Variants in PAFAH1B2 observed in about 807,000 individuals in gnomAD.
The protein encoded by PAFAH1B2 is platelet activating factor acetylhydrolase 1b catalytic subunit 2, also known as platelet-activating factor acetylhydrolase IB subunit alpha2.
In PAFAH1B2, 8 loss-of-function variants were observed where a neutral mutation model predicts 28.0. That is an observed-to-expected ratio of 0.29 (90% CI 0.17 to 0.52). PAFAH1B2 has a LOEUF of 0.52. Among genes scored for constraint, PAFAH1B2 ranks in the 20% least tolerant of loss-of-function variants. The probability of loss-of-function intolerance (pLI) is 0.97; values close to 1 mark genes in which losing one functional copy is unlikely to be tolerated. For synonymous variants in PAFAH1B2, 104 were observed against 103.2 expected (o/e 1.01, Z -0.05); for missense variants, 190 against 282.6 (o/e 0.67, Z 2.35).
downstream of PAFAH1B2, among the ~76,000 whole-genome samples, chr11:117,172,860 C>T (rs779129170): frequency 5.3e-5 from 8 of 152,188 alleles, no homozygotes; most frequent in Admixed American, 1.3e-4. Flanking sequence ...TGTACCACCA[C>T]GCCTGGCTAG....
At chr11:117,162,262 T>C (rs1446011835) in intron 4 of PAFAH1B2, among the ~76,000 whole-genome samples, 2 of 152,178 alleles carry the variant, frequency 1.3e-5, no homozygotes, top group Non-Finnish European at 2.9e-5. Flanking sequence ...GCCTCCCAAA[T>C]AGCTAGGACT....
rs557438931 is a variant in PAFAH1B2 at position 117,144,326 on chromosome 11, C to G, written c.-100C>G. ...TGGTGCTGGGGCCGGAGGAGGGACGCGCCGGAGCGGGACCGACGGGACCGA... is the reference window on the plus strand; with the variant it reads ...TGGTGCTGGGGCCGGAGGAGGGACGGGCCGGAGCGGGACCGACGGGACCGA... On this transcript the variant is annotated 5_prime_UTR_variant, in exon 1 of 6. Coordinates refer to ENST00000527958, the MANE Select transcript of PAFAH1B2 (RefSeq NM_002572.4). 38 of 403,570 alleles carry G rather than the reference C, an allele frequency of 9.4e-5. No homozygotes were observed. Among genetic ancestry groups the G allele is most frequent in the South Asian group, 5.7e-4 (34 of 60,128 alleles). The allele number at this position is 403,570 out of a possible 1,614,324, so 25.0% of individuals were successfully genotyped here. A position where few individuals can be genotyped will look rare whatever the true frequency, so the allele number is the denominator to read the frequency against.
At chr11:117,173,727 G>C (rs553756596), downstream of PAFAH1B2, among the ~76,000 whole-genome samples, 1 of 152,180 alleles carries the variant, frequency 6.6e-6, no homozygotes, top group African/African-American at 2.4e-5. Context: ...ATTAAATCCT[G>C]TGTCTTTAAC....
chr11:117,154,471 G>A (rs1956219690), intron 2 of PAFAH1B2, among the ~76,000 whole-genome samples: 1 of 147,116 alleles, frequency 6.8e-6, no homozygotes, highest in South Asian at 2.1e-4. Context: ...ATGCTGGAGT[G>A]CAGTGGCACC....
Position 117,170,912 on chromosome 11 carries a change from G to A in PAFAH1B2, c.*3213G>A. 1 of 1,059,578 alleles carries A rather than the reference G, an allele frequency of 9.4e-7. No homozygotes were observed. Among genetic ancestry groups the A allele is most frequent in the Non-Finnish European group, 1.1e-6 (1 of 875,676 alleles). 65.6% of individuals were successfully genotyped at this position (1,059,578 alleles called of 1,614,324 possible). ...CCCAGGTTTCTTGGTGTTCCTGCTT[G>A]GGGATCACTGCTGCTAGCTGACTGG... is the stretch of plus-strand genomic sequence containing the variant. On this transcript the variant is annotated 3_prime_UTR_variant, in exon 6 of 6. Transcript: ENST00000527958.
At chr11:117,156,121 G>C (rs891990750) in intron 2 of PAFAH1B2, among the ~76,000 whole-genome samples, 12 of 152,166 alleles carry the variant, frequency 7.9e-5, no homozygotes, top group Non-Finnish European at 8.8e-5. Flanking sequence ...CTGGGAGTTT[G>C]AGACTGTAGT....
chr11:117,147,237 C>T (rs1272343200), intron 1 of PAFAH1B2, among the ~76,000 whole-genome samples: 1 of 152,156 alleles, frequency 6.6e-6, no homozygotes, highest in African/African-American at 2.4e-5. Context: ...CGTTGTACTC[C>T]AGTCTGGGCA....
In PAFAH1B2 at chr11:117,168,731, T is replaced by G; in HGVS notation, c.*1032T>G. On this transcript the variant is annotated 3_prime_UTR_variant, in exon 6 of 6. Coordinates refer to ENST00000527958, the MANE Select transcript of PAFAH1B2 (RefSeq NM_002572.4). ...GTTTCCCATTCCATAGCACCTGACA[T>G]TATTTCAAGTTTTATAATATCTTAA... 2 of 1,048,076 alleles carry G rather than the reference T, an allele frequency of 1.9e-6. No individual in the cohort carries two copies. Among genetic ancestry groups the G allele is most frequent in the Non-Finnish European group, 2.3e-6 (2 of 865,342 alleles). 64.9% of individuals were successfully genotyped at this position (1,048,076 alleles called of 1,614,324 possible). A position where few individuals can be genotyped will look rare whatever the true frequency, so the allele number is the denominator to read the frequency against.
chr11:117,174,164 T>TGTGTGTGTGTGTG (rs1555034628), downstream of PAFAH1B2, among the ~76,000 whole-genome samples: 92 of 138,924 alleles, frequency 6.6e-4, no homozygotes, highest in Non-Finnish European at 1.1e-3. Context: ...TTCATGTCTT[T>TGTGTGTGTGTGTG]TGTGTGTGTG....
At chr11:117,173,553 G>C (rs951459590), downstream of PAFAH1B2, among the ~76,000 whole-genome samples, 4 of 151,942 alleles carry the variant, frequency 2.6e-5, no homozygotes, top group African/African-American at 7.3e-5. Context: ...ATGTTGCCCA[G>C]GTTGGCCTCA....
At position 117,168,446 on chromosome 11, in the gene PAFAH1B2, GTTTTTTTTT is replaced by G. The variant is rs71469127; in HGVS notation, c.*764_*772del. ...TCCCCTTCATTCCCCCCGCCACCCC[GTTTTTTTTT>G]TTTTTTTTTTTTTTTTGGTTCTTGT... On this transcript the variant is annotated 3_prime_UTR_variant, in exon 6 of 6. Transcript: ENST00000527958. 1,830 of 235,954 alleles carry G rather than the reference GTTTTTTTTT, an allele frequency of 7.8e-3. 28 individuals are homozygous for G. In the African/African-American group the frequency reaches 0.13, roughly 17 times the overall value. 14.6% of individuals were successfully genotyped at this position (235,954 alleles called of 1,614,324 possible). A position where few individuals can be genotyped will look rare whatever the true frequency, so the allele number is the denominator to read the frequency against.
downstream of PAFAH1B2, chr11:117,175,757 T>A: frequency 9.4e-7 from 1 of 1,063,486 alleles, no homozygotes; most frequent in Non-Finnish European, 1.3e-6. Flanking sequence ...AGGCGTAGGG[T>A]CACATCTTGC....
chr11:117,148,236 G>T (rs1956062339), intron 1 of PAFAH1B2, among the ~76,000 whole-genome samples: 1 of 151,572 alleles, frequency 6.6e-6, no homozygotes, highest in Non-Finnish European at 1.5e-5. Flanking sequence ...TATTTTTAGT[G>T]GAGACAGGAT....
intron 4 of PAFAH1B2, among the ~76,000 whole-genome samples, chr11:117,163,534 G>T (rs958880784): frequency 6.6e-6 from 1 of 152,112 alleles, no homozygotes; most frequent in Non-Finnish European, 1.5e-5. Flanking sequence ...TTAGCTGGGC[G>T]TGGCGGCACA....
At position 117,164,279 on chromosome 11, in the gene PAFAH1B2, C is replaced by T. The variant is rs143532439; in HGVS notation, c.411+387C>T. Among the ~76,000 whole-genome samples, 723 of 152,086 alleles carry T rather than the reference C, an allele frequency of 4.8e-3. 7 individuals are homozygous for T. Among genetic ancestry groups the T allele is most frequent in the Middle Eastern group, 0.017 (5 of 294 alleles). ...AAAATTAGCCGGGTGTGGTGGCAGG[C>T]GCCTGTAGTCCCAGCTACTCGGGAG... On this transcript the variant is annotated intron_variant, in intron 5 of 5. Coordinates refer to ENST00000527958, the MANE Select transcript of PAFAH1B2 (RefSeq NM_002572.4).
At chr11:117,177,253 T>C (rs933425964), downstream of PAFAH1B2, among the ~76,000 whole-genome samples, 1 of 152,152 alleles carries the variant, frequency 6.6e-6, no homozygotes, top group African/African-American at 2.4e-5. Flanking sequence ...ATATATACAT[T>C]GTAGAACATT....
chr11:117,172,404 A>AT (rs375747711), downstream of PAFAH1B2, among the ~76,000 whole-genome samples: 35 of 8,696 alleles, frequency 4.0e-3, no homozygotes, highest in South Asian at 0.014. Context: ...ATATATATAT[A>AT]TTTTTTTTTT....
At chr11:117,174,218 C>A (rs757634192), downstream of PAFAH1B2, among the ~76,000 whole-genome samples, 5 of 133,834 alleles carry the variant, frequency 3.7e-5, no homozygotes, top group Non-Finnish European at 6.8e-5. Context: ...CAGTTTCACT[C>A]TTGTTGCCCA....
Position 117,168,155 on chromosome 11 carries a change from T to G in PAFAH1B2, c.*456T>G. ...CATAATTTAGCCTTTTGTTTTTATG[T>G]TGCTTAGATTCTTATGTATACTGAA... On this transcript the variant is annotated 3_prime_UTR_variant, in exon 6 of 6. Coordinates refer to ENST00000527958, the MANE Select transcript of PAFAH1B2 (RefSeq NM_002572.4). 2 of 1,051,482 alleles carry G rather than the reference T, an allele frequency of 1.9e-6. No homozygotes were observed. Among genetic ancestry groups the G allele is most frequent in the Non-Finnish European group, 2.3e-6 (2 of 868,860 alleles). The allele number at this position is 1,051,482 out of a possible 1,614,324, so 65.1% of individuals were successfully genotyped here.
Sources: gnomAD v4.1 joint callset for allele counts (sites outside exome capture counted in the v4.1 genomes callset) on GRCh38, gnomAD v4.1.1 for gene constraint, MANE v1.5 for transcripts, NCBI Gene and HGNC (gene_info 2026-07-23, HGNC 2026-07-21) for gene names.